CNOT10: variants seen among roughly 807,000 people sequenced by gnomAD.
CNOT10 encodes CCR4-NOT transcription complex subunit 10.
CNOT10 carries 30 observed loss-of-function variants against 94.6 expected under a neutral mutation model. The observed-to-expected ratio is 0.32, with a 90% confidence interval of 0.24 to 0.43. CNOT10 has a LOEUF of 0.43. CNOT10 is among the 20% of genes least tolerant of loss of function. The pLI is 1.00. For missense variants in CNOT10, 759 were observed against 877.2 expected, an observed-to-expected ratio of 0.87 and a Z score of 1.70; for synonymous variants, 289 against 301.6, an observed-to-expected ratio of 0.96 and a Z score of 0.43.
chr3:32,769,001 C>T (rs1700781840), intron 17 of CNOT10: 1 of 152,284 alleles, frequency 6.6e-6, no homozygotes, highest in Non-Finnish European at 1.5e-5. Flanking sequence ...ACAGCACATT[C>T]ACTGCCTTTC....
At chr3:32,720,932 TTCCC>T (rs1698365537) in intron 8 of CNOT10, among the ~76,000 whole-genome samples, 1 of 125,854 alleles carries the variant, frequency 7.9e-6, no homozygotes, top group Non-Finnish European at 1.7e-5. Flanking sequence ...CCTTCCTTCC[TTCCC>T]TTCTTCCCTT....
At chr3:32,727,949 A>G in intron 10 of CNOT10, 79 bp downstream of exon 10, 1 of 949,356 alleles carries the variant, frequency 1.1e-6, no homozygotes, top group Admixed American at 2.7e-5. Flanking sequence ...AAAAAAAAAA[A>G]CCTTGGAAAC....
chr3:32,706,584 T>C (rs1697633812), intron 3 of CNOT10, among the ~76,000 whole-genome samples: 2 of 152,320 alleles, frequency 1.3e-5, no homozygotes, highest in South Asian at 2.1e-4. Context: ...TAATGAGTAG[T>C]TTTTCTTTTG....
chr3:32,716,306 C>T lies in CNOT10; in HGVS notation c.655C>T (p.His219Tyr). 4 of 1,549,998 alleles carry T rather than the reference C, an allele frequency of 2.6e-6. No homozygotes were observed. The highest frequency in any genetic ancestry group is 3.5e-6 in the Non-Finnish European group (4 of 1,130,656). ...AATAGAAGCTGCAAAATCAAAGATA[C>T]ATCAGGTAGTATAAATTTTAAAGGG... The part of the protein sequence containing the change: ...ALIEAAKSKI[H>Y]QYKVRAYIQM... The change falls in exon 6 of 19, where the codon CAT (histidine) becomes TAT (tyrosine). Residue 219 changes from histidine to tyrosine, a missense_variant. By Grantham distance (83) the His-to-Tyr change is moderately conservative (BLOSUM62 2). Transcript: ENST00000328834.
chr3:32,704,446 A>G (rs569892766), intron 2 of CNOT10, among the ~76,000 whole-genome samples: 1 of 152,286 alleles, frequency 6.6e-6, no homozygotes, highest in South Asian at 2.1e-4. Flanking sequence ...GAAGAACTTG[A>G]TGCTTGGGTA....
chr3:32,720,459 A>G (rs1356263849), intron 8 of CNOT10, among the ~76,000 whole-genome samples: 5 of 151,578 alleles, frequency 3.3e-5, no homozygotes, highest in Admixed American at 2.0e-4. Context: ...TTACTTTTCC[A>G]GGTTGGATCG....
rs370142940 is a variant in CNOT10 at position 32,704,796 on chromosome 3, G to GTTT, written c.118-5_118-3dup. On this transcript the variant is annotated splice_polypyrimidine_tract_variant and intron_variant, in intron 2 of 18. Transcript: ENST00000328834. ...ATGTAATTTTGTGTGTGTGTGTGTG[G>GTTT]TTTTTTTTTTTTAGTCTGGAAATTA... 6.3e-5 allele frequency: 75 copies of GTTT among 1,189,246 alleles called. No individual in the cohort carries two copies. The highest frequency in any genetic ancestry group is 1.3e-4 in the South Asian group (8 of 63,464). 73.7% of individuals were successfully genotyped at this position (1,189,246 alleles called of 1,614,324 possible).
intron 14 of CNOT10, among the ~76,000 whole-genome samples, chr3:32,762,153 A>G (rs1251314536): frequency 6.6e-6 from 1 of 150,984 alleles, no homozygotes; most frequent in Non-Finnish European, 1.5e-5. Context: ...GAGCAGATCA[A>G]AAGGTCCCCA....
At chr3:32,760,227 T>C (rs775673926) in intron 14 of CNOT10, among the ~76,000 whole-genome samples, 2 of 152,052 alleles carry the variant, frequency 1.3e-5, no homozygotes, top group Non-Finnish European at 2.9e-5. Context: ...TCCAAGCTAC[T>C]GTATCATTCC....
At chr3:32,753,314 C>A (rs114361094) in intron 13 of CNOT10, 24,083 of 1,013,954 alleles carry the variant, frequency 0.024, 387 homozygotes, top group Middle Eastern at 0.06. Flanking sequence ...GTGGACTCAT[C>A]AGTCAAAAAT....
intron 13 of CNOT10, among the ~76,000 whole-genome samples, chr3:32,750,753 T>C (rs569408036): frequency 1.3e-5 from 2 of 152,102 alleles, no homozygotes; most frequent in African/African-American, 4.8e-5. Flanking sequence ...GGTTTCACCA[T>C]GTTGGTCAGG....
At chr3:32,762,984 C>A in intron 15 of CNOT10, 121 bp downstream of exon 15, 1 of 1,058,020 alleles carries the variant, frequency 9.5e-7, no homozygotes. Context: ...GTTGGCTTTC[C>A]ACATTTTTGT....
chr3:32,720,033 C>G, intron 7 of CNOT10, 81 bp from the exon 8 acceptor site: 9 of 608,534 alleles, frequency 1.5e-5, no homozygotes, highest in Non-Finnish European at 2.5e-5. Context: ...GTTTTGAACA[C>G]GTCAGTACAA....
At chr3:32,754,489 A>AAAAATATATATAT (rs77878221) in intron 13 of CNOT10, among the ~76,000 whole-genome samples, 3 of 70,218 alleles carry the variant, frequency 4.3e-5, no homozygotes, top group South Asian at 6.1e-4. Flanking sequence ...AAAAAAAAAA[A>AAAAATATATATAT]ATACATATAT....
At chr3:32,717,810 G>C (rs1247382069) in intron 7 of CNOT10, among the ~76,000 whole-genome samples, 1 of 152,114 alleles carries the variant, frequency 6.6e-6, no homozygotes, top group African/African-American at 2.4e-5. Flanking sequence ...AAGTTGCAGT[G>C]AGCTGAGATC....
rs1255557064 is a variant in CNOT10, at chr3:32,766,024, A to G, written c.2004+1215A>G. Among the ~76,000 whole-genome samples the G allele has an allele frequency of 1.8e-4, 5 of 27,660 alleles. 1 individual carries two copies. In the South Asian group the frequency reaches 5.7e-3, roughly 32 times the overall value. 18.1% of individuals were successfully genotyped at this position (27,660 alleles called of 152,430 possible). ...TTTAATTTTTTTTTTTTTTTTTTTG[A>G]GACGGAGTTTCGCTCTTGTTGCCCA... On this transcript the variant is annotated intron_variant, in intron 17 of 18. Coordinates refer to ENST00000328834, the MANE Select transcript of CNOT10 (RefSeq NM_015442.3).
chr3:32,721,898 C>T lies in CNOT10; in HGVS notation c.862+1667C>T, dbSNP rs181636257. Among the ~76,000 whole-genome samples, 711 of 151,132 alleles carry T rather than the reference C, an allele frequency of 4.7e-3. 3 individuals carry two copies. Among genetic ancestry groups the T allele is most frequent in the East Asian group, 0.011 (59 of 5,144 alleles). On this transcript the variant is annotated intron_variant, in intron 8 of 18. Transcript: ENST00000328834. The stretch of plus-strand genomic sequence containing the variant: ...CGATCTCCTGACCTCGTGATCCGCC[C>T]GCCTCGGCCTCCCAAAGTGCTGGGA...
At chr3:32,748,759 A>C (rs918714154) in intron 13 of CNOT10, among the ~76,000 whole-genome samples, 5 of 151,510 alleles carry the variant, frequency 3.3e-5, no homozygotes, top group African/African-American at 1.2e-4. Flanking sequence ...TGACCTGCCC[A>C]CCTCTGCCTT....
At chr3:32,742,574 G>T (rs1439412175) in intron 13 of CNOT10, among the ~76,000 whole-genome samples, 3 of 152,204 alleles carry the variant, frequency 2.0e-5, no homozygotes, top group Non-Finnish European at 2.9e-5. Flanking sequence ...TAGAGATGGG[G>T]TGTCACCATG....
Sources: allele counts gnomAD v4.1 joint callset (sites outside exome capture counted in the v4.1 genomes callset), GRCh38; gene constraint gnomAD v4.1.1; transcripts MANE v1.5; gene names NCBI Gene and HGNC (gene_info 2026-07-23, HGNC 2026-07-21).